DGKQ: variants seen among roughly 807,000 people sequenced by gnomAD.
DGKQ encodes the protein DAG kinase theta.
In DGKQ, 97 loss-of-function variants were observed where a neutral mutation model predicts 104.2. The observed-to-expected ratio is 0.93, with a 90% CI of 0.79 to 1.10. The LOEUF is 1.10. Ranked by LOEUF, DGKQ falls within the 50% of genes least tolerant of loss-of-function variation. DGKQ has a pLI of 0.00. For missense variants in DGKQ, 1,465 were observed against 1,352.1 expected, an observed-to-expected ratio of 1.08 and a Z score of -1.31; for synonymous variants, 736 against 595.2, an observed-to-expected ratio of 1.24 and a Z score of -3.44.
Position 961,691 on chromosome 4 carries a change from G to A in DGKQ, c.2459C>T (p.Pro820Leu), listed in dbSNP as rs1711901785. The A allele has an allele frequency of 6.2e-7, 1 of 1,612,556 alleles. No homozygotes were observed. Among genetic ancestry groups the A allele is most frequent in the African/African-American group, 1.3e-5 (1 of 75,028 alleles). Residue 820 changes from proline (P) to leucine (L), a missense_variant, in exon 20 of 23, where the codon CCC (proline) becomes CTC (leucine). Pro to Leu is a moderately conservative substitution (Grantham distance 98, BLOSUM62 -3). Coordinates refer to ENST00000273814, the MANE Select transcript of DGKQ (RefSeq NM_001347.4). ...SIEGLIFINI[P>L]SWGSGADLWG... ...GGGGAGCCCCGCCCGCGAGCACCTGGGGATGTTGATGAAGATGAGGCCTTC... is the reference window on the plus strand; with the variant it reads ...GGGGAGCCCCGCCCGCGAGCACCTGAGGATGTTGATGAAGATGAGGCCTTC...
rs770688103 is a variant in DGKQ at position 962,558 on chromosome 4, C to T, written c.2091G>A (p.Pro697=). 4.2e-5 allele frequency: 68 copies of T among 1,610,032 alleles called. No individual in the cohort carries two copies. The highest frequency in any genetic ancestry group is 4.5e-5 in the Non-Finnish European group (53 of 1,179,932). Residue 697 remains proline, a synonymous_variant, in exon 18 of 23, where the codon CCG becomes CCA. Transcript: ENST00000273814. ...RWGAGYSGED[P]FSVLLSVDEA... ...CGTCCACAGACAGCAGTACGGAGAA[C>T]GGGTCCTCGCCGCTGTAGCCCGCCC...
At chr4:969,265 G>A (rs1229158075) in intron 2 of DGKQ, among the ~76,000 whole-genome samples, 4 of 152,198 alleles carry the variant, frequency 2.6e-5, no homozygotes, top group Non-Finnish European at 5.9e-5. Flanking sequence ...GCAGGGGAGC[G>A]AGGCCCGCCT....
intron 21 of DGKQ, 77 bp downstream of exon 21, chr4:961,390 G>A (rs1275505200): frequency 1.2e-5 from 17 of 1,453,962 alleles, no homozygotes; most frequent in African/African-American, 1.4e-5. Context: ...GCCCTGGGGC[G>A]GGAGAGGCCA....
In DGKQ at chr4:967,053, C is replaced by T. The variant is rs1206406258; in HGVS notation, c.1222G>A (p.Val408Met). 6.4e-7 allele frequency: 1 copy of T among 1,554,408 alleles called. No homozygotes were observed. The highest frequency in any genetic ancestry group is 8.7e-7 in the Non-Finnish European group (1 of 1,149,358). Residue 408 changes from valine (V) to methionine (M), a missense_variant and splice_region_variant, in exon 10 of 23, where the codon GTG becomes ATG. Coordinates refer to ENST00000273814, the MANE Select transcript of DGKQ (RefSeq NM_001347.4). ...CGCACGGACACGTAGGCCACGCCCA[C>T]CCTGTGGGGACACAGTCTGAGCTGG... ...VLKIYPGWLK[V>M]GVAYVSVRVT...
In DGKQ at chr4:967,888, G is replaced by A. The variant is rs1005161145; in HGVS notation, c.803C>T (p.Ala268Val). The change falls in exon 6 of 23, where the codon GCG becomes GTG. Residue 268 changes from alanine (A) to valine (V), a missense_variant. Physicochemically the swap from Ala to Val is moderately conservative, Grantham distance 64. Coordinates refer to ENST00000273814, the MANE Select transcript of DGKQ (RefSeq NM_001347.4). ...GCCGGCCCGCACCTCACCCGGCTCCGCGGCCTCCACGATGCGGAAGCTCTG... is the reference window on the plus strand; with the variant it reads ...GCCGGCCCGCACCTCACCCGGCTCCACGGCCTCCACGATGCGGAAGCTCTG... The part of the protein sequence containing the change: ...KTQSFRIVEA[A>V]EPGEGGDGAD... 12 of 1,449,860 alleles carry A rather than the reference G, an allele frequency of 8.3e-6. No homozygotes were observed. In the African/African-American group the frequency reaches 1.6e-4, roughly 20 times the overall value. 89.8% of individuals were successfully genotyped at this position (1,449,860 alleles called of 1,614,324 possible).
chr4:969,337 C>T (rs959255012), intron 2 of DGKQ, among the ~76,000 whole-genome samples: 3 of 152,226 alleles, frequency 2.0e-5, no homozygotes, highest in Non-Finnish European at 4.4e-5. Flanking sequence ...CTGTCTCCTC[C>T]GAGCCAGGAA....
chr4:965,870 G>A, intron 13 of DGKQ, 58 bp downstream of exon 13: 1 of 1,496,486 alleles, frequency 6.7e-7, no homozygotes, highest in Non-Finnish European at 9.0e-7. Context: ...CAGCCCCACT[G>A]CCTGCCGCTC....
At chr4:965,406 G>A (rs1712228963) in intron 14 of DGKQ, 85 bp downstream of exon 14, 1 of 1,550,952 alleles carries the variant, frequency 6.4e-7, no homozygotes, top group East Asian at 2.3e-5. Context: ...GAAAGGTCAG[G>A]TGCTACGTGA....
intron 15 of DGKQ, 94 bp downstream of exon 15, chr4:965,082 G>C (rs796563215): frequency 1.1e-6 from 1 of 915,390 alleles, no homozygotes; most frequent in Non-Finnish European, 1.7e-6. Flanking sequence ...TGAAAACAGC[G>C]AGTCTGGCTG....
intron 15 of DGKQ, 120 bp from the exon 16 acceptor site, chr4:963,410 C>T: frequency 1.1e-6 from 1 of 889,240 alleles, no homozygotes; most frequent in South Asian, 1.8e-5. Flanking sequence ...CAGCCCCCTC[C>T]CCAGGAAGGC....
chr4:970,280 G>C (rs889114233), intron 2 of DGKQ, among the ~76,000 whole-genome samples: 2 of 152,268 alleles, frequency 1.3e-5, no homozygotes, highest in Non-Finnish European at 1.5e-5. Flanking sequence ...CAGCCTGAAC[G>C]CATCAGGGAA....
Position 967,283 on chromosome 4 carries a change from C to G in DGKQ, c.1066G>C (p.Ala356Pro), listed in dbSNP as rs1409460792. ...TTGCCCCCAGCCCAGGCGTCACAGG[C>G]CTGAGAGGAAGGGGGCAGCCGGCAC... ...ELCRLPPSSQ[A>P]CDAWAGGKAG... is the part of the protein sequence containing the mutation. The change falls in exon 9 of 23, where the codon GCC (alanine) becomes CCC (proline). Residue 356 changes from alanine (A) to proline (P), a missense_variant. Ala to Pro is a conservative substitution (Grantham distance 27). Transcript: ENST00000273814. The G allele has an allele frequency of 1.3e-6, 2 of 1,548,182 alleles. No homozygotes were observed. Among genetic ancestry groups the G allele is most frequent in the Non-Finnish European group, 1.7e-6 (2 of 1,151,376 alleles).
intron 17 of DGKQ, 66 bp from the exon 18 acceptor site, chr4:962,679 C>T: frequency 1.3e-6 from 2 of 1,590,014 alleles, no homozygotes; most frequent in Non-Finnish European, 8.6e-7. Flanking sequence ...GTGCAGACCC[C>T]ACCACGAGGA....
chr4:965,137 C>T (rs1560513572), intron 15 of DGKQ, 39 bp downstream of exon 15: 4 of 1,578,596 alleles, frequency 2.5e-6, no homozygotes, highest in Non-Finnish European at 2.6e-6. Context: ...CTGGCCACCC[C>T]CTGGGGTGTG....
chr4:962,328 G>A (rs1046429575), intron 18 of DGKQ, 107 bp downstream of exon 18: 156 of 1,162,670 alleles, frequency 1.3e-4, no homozygotes, highest in East Asian at 2.8e-4. Context: ...GGGATGATGC[G>A]GGCGCGTACA....
rs1237074878 is a variant in DGKQ at position 962,422 on chromosome 4, G to C, written c.2214+13C>G. ...GGAGCCTGGAAGGCACCCCACGCCG[G>C]GCTGCCCTGTACCTTGGGGGGCTCT... On this transcript the variant is annotated intron_variant, in intron 18 of 22. Coordinates refer to ENST00000273814, the MANE Select transcript of DGKQ (RefSeq NM_001347.4). 3 of 1,551,118 alleles carry C rather than the reference G, an allele frequency of 1.9e-6. No homozygotes were observed. The highest frequency in any genetic ancestry group is 8.7e-7 in the Non-Finnish European group (1 of 1,152,238).
Position 968,413 on chromosome 4 carries a change from G to A in DGKQ, c.538-6C>T. 6.3e-7 allele frequency: 1 copy of A among 1,582,448 alleles called. No individual in the cohort carries two copies. Among genetic ancestry groups the A allele is most frequent in the Non-Finnish European group, 8.6e-7 (1 of 1,165,570 alleles). The stretch of plus-strand genomic sequence containing the variant: ...CAGTGGTGGTGATGGGTGTCCTGCA[G>A]AGCGGGGGCAGTCAGCAGCTGGGCC... On this transcript the variant is annotated splice_polypyrimidine_tract_variant and splice_region_variant and intron_variant, in intron 4 of 22. Coordinates refer to ENST00000273814, the MANE Select transcript of DGKQ (RefSeq NM_001347.4).
At chr4:968,673 G>C in intron 3 of DGKQ, 109 bp from the exon 4 acceptor site, 1 of 1,354,204 alleles carries the variant, frequency 7.4e-7, no homozygotes, top group East Asian at 2.5e-5. Flanking sequence ...CATCCTTTAA[G>C]TGTCCTGTGG....
chr4:960,429 A>C lies in DGKQ; in HGVS notation c.*191T>G. On this transcript the variant is annotated 3_prime_UTR_variant, in exon 23 of 23. Coordinates refer to ENST00000273814, the MANE Select transcript of DGKQ (RefSeq NM_001347.4). ...TCTCCAGTGGGATGAGGGCTGTGAC[A>C]CCAACATGTGTCACCAATGGGATGA... The C allele has an allele frequency of 1.7e-6, 1 of 601,784 alleles. No homozygotes were observed. Among genetic ancestry groups the C allele is most frequent in the Admixed American group, 2.9e-5 (1 of 34,904 alleles). 37.3% of individuals were successfully genotyped at this position (601,784 alleles called of 1,614,324 possible).
Sources: gnomAD v4.1 joint callset for allele counts (sites outside exome capture counted in the v4.1 genomes callset) on GRCh38, gnomAD v4.1.1 for gene constraint, MANE v1.5 for transcripts, NCBI Gene and HGNC (gene_info 2026-07-23, HGNC 2026-07-21) for gene names.